The following ARHGAP22 variants were observed in gnomAD, a reference collection of about 807,000 sequenced individuals.
ARHGAP22 encodes the protein rho GTPase-activating protein 22.
Under a neutral mutation model 59.1 loss-of-function variants are expected in ARHGAP22, and 48 were observed. The ratio of observed to expected loss-of-function variants is 0.81; its 90% CI spans 0.64 to 1.03. The LOEUF is 1.03. ARHGAP22 is among the 50% of genes least tolerant of loss of function. ARHGAP22 has a pLI of 0.00. For missense variants in ARHGAP22, 1,015 were observed against 958.7 expected (o/e 1.06, Z -0.78); for synonymous variants, 445 against 416.4 (o/e 1.07, Z -0.84).
rs1381659706 is a variant in ARHGAP22 at position 48,582,897 on chromosome 10, C to G, written c.234+56G>C. ...CCTCCCTTCTCCTGGGCATGGTCTTCCCTCTTGTGGAGCCCTGCCACGATG... is the reference window on the plus strand; with the variant it reads ...CCTCCCTTCTCCTGGGCATGGTCTTGCCTCTTGTGGAGCCCTGCCACGATG... On this transcript the variant is annotated intron_variant, in intron 2 of 9. Coordinates refer to ENST00000249601, the MANE Select transcript of ARHGAP22 (RefSeq NM_021226.4). 2.5e-6 allele frequency: 4 copies of G among 1,587,588 alleles called. No individual in the cohort carries two copies. In the African/African-American group the frequency reaches 4.0e-5, roughly 16 times the overall value.
At chr10:48,494,862 C>T (rs1197287415) in intron 3 of ARHGAP22, among the ~76,000 whole-genome samples, 1 of 152,194 alleles carries the variant, frequency 6.6e-6, no homozygotes, top group African/African-American at 2.4e-5. Flanking sequence ...TCACCCTCTT[C>T]CCACCAGAAA....
At position 48,454,135 on chromosome 10, in the gene ARHGAP22, C is replaced by A; in HGVS notation, c.819G>T (p.Val273=). ...TGTAATTTGCCTGAGGAAGGTTGCT[C>A]ACTTGTTTAGCCAACTCCAGAGTGC... ...GEGTLELAKQ[V]SNLPQANYNL... is the part of the protein sequence containing the mutation. The change falls in exon 7 of 10, where the codon GTG becomes GTT. Residue 273 remains valine (V), a synonymous_variant. Coordinates refer to ENST00000249601, the MANE Select transcript of ARHGAP22 (RefSeq NM_021226.4). The A allele has an allele frequency of 6.2e-7, 1 of 1,614,028 alleles. No individual in the cohort carries two copies. Among genetic ancestry groups the A allele is most frequent in the Non-Finnish European group, 8.5e-7 (1 of 1,179,966 alleles).
At chr10:48,622,429 A>T (rs1791889303) in intron 1 of ARHGAP22, among the ~76,000 whole-genome samples, 1 of 151,958 alleles carries the variant, frequency 6.6e-6, no homozygotes, top group Admixed American at 6.6e-5. Flanking sequence ...TTTTATTATT[A>T]TTTTTAATTA....
chr10:48,640,565 G>A (rs1215529427), intron 1 of ARHGAP22, among the ~76,000 whole-genome samples: 1 of 152,094 alleles, frequency 6.6e-6, no homozygotes, highest in Non-Finnish European at 1.5e-5. Context: ...GAAGTGGGAG[G>A]ACGTATTCAA....
intron 1 of ARHGAP22, among the ~76,000 whole-genome samples, chr10:48,637,183 G>T (rs2061852873): frequency 6.6e-6 from 1 of 152,216 alleles, no homozygotes; most frequent in Non-Finnish European, 1.5e-5. Context: ...TATTTCTGAA[G>T]CTGCAGATGG....
At chr10:48,486,748 G>A (rs1356314240) in intron 3 of ARHGAP22, among the ~76,000 whole-genome samples, 2 of 152,166 alleles carry the variant, frequency 1.3e-5, no homozygotes, top group Non-Finnish European at 2.9e-5. Flanking sequence ...CTGCTGCCTG[G>A]AGGTCTTCCT....
intron 4 of ARHGAP22, among the ~76,000 whole-genome samples, chr10:48,461,028 C>T (rs1393226181): frequency 6.6e-6 from 1 of 152,152 alleles, no homozygotes; most frequent in Non-Finnish European, 1.5e-5. Flanking sequence ...CTCAGCTTTG[C>T]AAGATGGAAA....
intron 3 of ARHGAP22, among the ~76,000 whole-genome samples, chr10:48,505,921 C>T (rs2052075385): frequency 6.6e-6 from 1 of 152,230 alleles, no homozygotes; most frequent in Non-Finnish European, 1.5e-5. Flanking sequence ...CCCAATACTC[C>T]GTATCCCAGT....
intron 1 of ARHGAP22, among the ~76,000 whole-genome samples, chr10:48,598,220 AAGG>A (rs1564969663): frequency 1.3e-5 from 2 of 152,168 alleles, no homozygotes; most frequent in Admixed American, 6.5e-5. Context: ...ATCTGGGAAG[AAGG>A]AGAACATGAG....
chr10:48,436,758 G>A, the ARHGAP22 span: 52 of 152,210 alleles, frequency 3.4e-4, no homozygotes, highest in African/African-American at 1.2e-3. Flanking sequence ...GTTTGTTTTC[G>A]ATGGCTTAGA....
chr10:48,483,444 C>T (rs555233932), intron 3 of ARHGAP22, among the ~76,000 whole-genome samples: 206 of 152,282 alleles, frequency 1.4e-3, no homozygotes, highest in African/African-American at 4.8e-3. Flanking sequence ...TGCTGGATCA[C>T]ATGGTGGTTT....
In ARHGAP22 at chr10:48,586,385, C is replaced by T. The variant is rs147224888; in HGVS notation, c.35-3233G>A. On this transcript the variant is annotated intron_variant, in intron 1 of 9. Transcript: ENST00000249601. ...AGCTGGCAGAGGGGAGACAGCATAA[C>T]TGCAGAGTGCTTAGACGTACAGGTG... 1.5e-3 allele frequency among the ~76,000 whole-genome samples: 226 copies of T among 152,294 alleles called. 2 individuals carry two copies. Among genetic ancestry groups the T allele is most frequent in the Admixed American group, 4.0e-3 (61 of 15,302 alleles).
chr10:48,473,877 T>C (rs1291997462), intron 4 of ARHGAP22, among the ~76,000 whole-genome samples: 1 of 152,156 alleles, frequency 6.6e-6, no homozygotes, highest in African/African-American at 2.4e-5. Context: ...GGGATACACA[T>C]GTTCAAGCAC....
At chr10:48,511,494 T>C (rs974492065) in intron 3 of ARHGAP22, 5 of 152,262 alleles carry the variant, frequency 3.3e-5, no homozygotes, top group African/African-American at 9.6e-5. Flanking sequence ...ACTCTCCCTA[T>C]TGGTAAACGG....
chr10:48,514,841 G>A (rs2053134702), intron 3 of ARHGAP22, among the ~76,000 whole-genome samples: 1 of 152,122 alleles, frequency 6.6e-6, no homozygotes, highest in Non-Finnish European at 1.5e-5. Flanking sequence ...TTGGAGCAAA[G>A]TTTCTGTAAA....
chr10:48,433,894 T>C, the ARHGAP22 span, among the ~76,000 whole-genome samples: 1 of 152,220 alleles, frequency 6.6e-6, no homozygotes, highest in South Asian at 2.1e-4. Flanking sequence ...TTGAAGACCA[T>C]TGATTTTATT....
intron 3 of ARHGAP22, among the ~76,000 whole-genome samples, chr10:48,480,177 G>A (rs1475652660): frequency 5.9e-5 from 9 of 152,080 alleles, no homozygotes; most frequent in Non-Finnish European, 5.9e-5. Context: ...ACTTTGGCTC[G>A]GAGATTAGGG....
At chr10:48,526,995 C>T (rs1023799709) in intron 3 of ARHGAP22, among the ~76,000 whole-genome samples, 7 of 152,176 alleles carry the variant, frequency 4.6e-5, no homozygotes, top group Admixed American at 1.3e-4. Context: ...AAATAACATT[C>T]ACTATGTGTT....
At position 48,450,360 on chromosome 10, in the gene ARHGAP22, C is replaced by A; in HGVS notation, c.1769G>T (p.Arg590Leu). 6.3e-7 allele frequency: 1 copy of A among 1,588,112 alleles called. No individual in the cohort carries two copies. Residue 590 changes from arginine (R) to leucine (L), a missense_variant, in exon 9 of 10, where the codon CGG becomes CTG. Physicochemically the swap from Arg to Leu is moderately radical, Grantham distance 102. Transcript: ENST00000249601. Reference protein sequence around the residue: ...SEPSEPDSPTREHARRSEALQ... With the variant: ...SEPSEPDSPTLEHARRSEALQ... ...GGCCTCGGAGCGGCGCGCGTGTTCC[C>A]GGGTGGGGCTGTCCGGCTCGCTGGG... is the stretch of plus-strand genomic sequence containing the variant.
Sources: gnomAD v4.1 joint callset for allele counts (sites outside exome capture counted in the v4.1 genomes callset) on GRCh38, gnomAD v4.1.1 for gene constraint, MANE v1.5 for transcripts, NCBI Gene and HGNC (gene_info 2026-07-23, HGNC 2026-07-21) for gene names.